Variants in EIF3H observed in about 807,000 individuals in gnomAD.
EIF3H encodes eIF-3-gamma.
A neutral mutation model predicts 44.2 loss-of-function variants in EIF3H; 26 were observed. The ratio of observed to expected loss-of-function variants is 0.59; its 90% CI spans 0.43 to 0.82. The LOEUF (loss-of-function observed/expected upper bound fraction) is 0.82. EIF3H is among the 40% of genes least tolerant of loss of function. EIF3H has a pLI of 0.00. For missense variants in EIF3H, 359 were observed against 432.8 expected, an observed-to-expected ratio of 0.83 and a Z score of 1.51; for synonymous variants, 166 against 151.9, an observed-to-expected ratio of 1.09 and a Z score of -0.68.
chr8:116,701,313 A>C (rs1814372312), intron 2 of EIF3H, among the ~76,000 whole-genome samples: 1 of 152,208 alleles, frequency 6.6e-6, no homozygotes, highest in African/African-American at 2.4e-5. Flanking sequence ...CCCTGAGCTC[A>C]GTGAGTATCC....
At position 116,659,979 on chromosome 8, in the gene EIF3H, C is replaced by T. The variant is rs1161636836; in HGVS notation, c.290-999G>A. 3.9e-5 allele frequency among the ~76,000 whole-genome samples: 6 copies of T among 152,028 alleles called. No homozygotes were observed. The East Asian group carries it at 7.7e-4, about 20-fold the overall frequency. ...TTGGCTCACTGCAACCTCTGCCTCC[C>T]GGGCTCAAGTGATTCTTTTGATTTA... On this transcript the variant is annotated intron_variant, in intron 2 of 7. Coordinates refer to ENST00000521861, the MANE Select transcript of EIF3H (RefSeq NM_003756.3).
At chr8:116,662,102 T>A (rs371278641) in intron 2 of EIF3H, among the ~76,000 whole-genome samples, 3 of 152,190 alleles carry the variant, frequency 2.0e-5, no homozygotes, top group African/African-American at 7.2e-5. Context: ...ATAAAGAGGC[T>A]AAAGAGCAAT....
chr8:116,764,355 T>C (rs1338753970), intron 1 of EIF3H, among the ~76,000 whole-genome samples: 9 of 152,228 alleles, frequency 5.9e-5, no homozygotes, highest in Admixed American at 5.9e-4. Flanking sequence ...TCTGCCTTGG[T>C]TGTGGCTAAA....
intron 1 of EIF3H, among the ~76,000 whole-genome samples, chr8:116,753,282 G>A (rs1209119414): frequency 5.9e-5 from 9 of 152,048 alleles, no homozygotes; most frequent in African/African-American, 2.2e-4. Flanking sequence ...ACCCACCACC[G>A]TGAATAAGAG....
intron 1 of EIF3H, among the ~76,000 whole-genome samples, chr8:116,730,022 A>G (rs1814924332): frequency 1.3e-5 from 2 of 152,236 alleles, no homozygotes; most frequent in Admixed American, 1.3e-4. Context: ...AATCTGATAA[A>G]GTACTCAGGA....
chr8:116,721,890 G>A (rs988309359), intron 2 of EIF3H, among the ~76,000 whole-genome samples: 6 of 152,188 alleles, frequency 3.9e-5, no homozygotes, highest in African/African-American at 1.4e-4. Context: ...GATTTTACAC[G>A]ATCACAGGTA....
chr8:116,710,146 A>C (rs1176501163), intron 2 of EIF3H, among the ~76,000 whole-genome samples: 1 of 152,058 alleles, frequency 6.6e-6, no homozygotes, highest in Non-Finnish European at 1.5e-5. Flanking sequence ...ATACTACTTA[A>C]CCATACTGTG....
intron 2 of EIF3H, among the ~76,000 whole-genome samples, chr8:116,696,750 T>C (rs997755212): frequency 1.3e-5 from 2 of 152,184 alleles, no homozygotes; most frequent in Non-Finnish European, 2.9e-5. Context: ...TGAGTACTCA[T>C]TTATTTATTC....
intron 1 of EIF3H, among the ~76,000 whole-genome samples, chr8:116,753,210 A>G (rs75900171): frequency 0.049 from 7,454 of 152,278 alleles, 321 homozygotes; most frequent in Admixed American, 0.15. Flanking sequence ...AAAGGGGGAA[A>G]GTTGTTAGGA....
At chr8:116,728,604 A>G (rs986931490) in intron 1 of EIF3H, among the ~76,000 whole-genome samples, 4 of 152,148 alleles carry the variant, frequency 2.6e-5, no homozygotes, top group African/African-American at 9.7e-5. Flanking sequence ...AGCAGGGAAA[A>G]GAGCTCAAAA....
chr8:116,701,855 A>G (rs1814381144), intron 2 of EIF3H, among the ~76,000 whole-genome samples: 1 of 152,228 alleles, frequency 6.6e-6, no homozygotes, highest in Admixed American at 6.5e-5. Context: ...ATCAACAGAA[A>G]AAGAACATGA....
chr8:116,679,034 GTGA>G (rs1813910678), intron 2 of EIF3H, among the ~76,000 whole-genome samples: 1 of 64,756 alleles, frequency 1.5e-5, no homozygotes, highest in Non-Finnish European at 4.7e-5. Context: ...AGTCCGGGAG[GTGA>G]GGGGCGCCTC....
chr8:116,691,556 GAA>G (rs144905433), intron 2 of EIF3H, among the ~76,000 whole-genome samples: 1 of 143,372 alleles, frequency 7.0e-6, no homozygotes. Flanking sequence ...ATTTTAATAG[GAA>G]AAAAAAAAAA....
At chr8:116,740,634 TAC>T (rs1156312365) in intron 1 of EIF3H, among the ~76,000 whole-genome samples, 2 of 152,096 alleles carry the variant, frequency 1.3e-5, no homozygotes, top group East Asian at 1.9e-4. Flanking sequence ...TGTTGTCTAG[TAC>T]ACAGTTATTC....
At chr8:116,661,250 T>G (rs190463783) in intron 2 of EIF3H, among the ~76,000 whole-genome samples, 1 of 152,100 alleles carries the variant, frequency 6.6e-6, no homozygotes, top group African/African-American at 2.4e-5. Context: ...AATTTGCTAT[T>G]TATTTTAAAG....
chr8:116,666,708 G>A (rs1217121146), intron 2 of EIF3H, among the ~76,000 whole-genome samples: 1 of 118,964 alleles, frequency 8.4e-6, no homozygotes, highest in Admixed American at 1.1e-4. Context: ...CTACAATTAA[G>A]AGCATGGTAT....
upstream of EIF3H, among the ~76,000 whole-genome samples, chr8:116,758,760 T>C (rs754317969): frequency 1.3e-5 from 2 of 152,152 alleles, no homozygotes; most frequent in Non-Finnish European, 2.9e-5. Context: ...TCTAATAATA[T>C]TAATCCACAG....
intron 1 of EIF3H, among the ~76,000 whole-genome samples, chr8:116,742,461 T>C (rs763513163): frequency 2.6e-5 from 4 of 152,224 alleles, no homozygotes; most frequent in Non-Finnish European, 5.9e-5. Flanking sequence ...ATAACCAACC[T>C]GCAAATTTTC....
intron 1 of EIF3H, among the ~76,000 whole-genome samples, chr8:116,749,143 A>C (rs942360170): frequency 1.3e-5 from 2 of 152,230 alleles, no homozygotes; most frequent in Non-Finnish European, 2.9e-5. Context: ...AAGAAATTTC[A>C]ATAGCAATGG....
Sources: allele counts gnomAD v4.1 joint callset (sites outside exome capture counted in the v4.1 genomes callset), GRCh38; gene constraint gnomAD v4.1.1; transcripts MANE v1.5; gene names NCBI Gene and HGNC (gene_info 2026-07-23, HGNC 2026-07-21).